The following TNS1 variants were observed in gnomAD, a reference collection of about 807,000 sequenced individuals.
TNS1 encodes the protein tensin-1.
TNS1 carries 62 observed loss-of-function variants against 168.6 expected under a neutral mutation model. The observed-to-expected ratio is 0.37, with a 90% CI of 0.30 to 0.45. The LOEUF (loss-of-function observed/expected upper bound fraction) is 0.45. Among genes scored for constraint, TNS1 ranks in the 20% least tolerant of loss-of-function variants. The probability of loss-of-function intolerance (pLI) is 1.00; values close to 1 mark genes in which losing one functional copy is unlikely to be tolerated. For missense variants in TNS1, 2,240 were observed against 2,339.4 expected, an observed-to-expected ratio of 0.96 and a Z score of 0.88; for synonymous variants, 934 against 933.2, an observed-to-expected ratio of 1.00 and a Z score of -0.02.
chr2:217,909,466 C>T (rs1954099371), intron 4 of TNS1, among the ~76,000 whole-genome samples: 1 of 152,140 alleles, frequency 6.6e-6, no homozygotes, highest in Admixed American at 6.6e-5. Context: ...TGGTTAAAGC[C>T]TCCTAATAGG....
At chr2:217,954,982 A>G (rs1451316999) in intron 3 of TNS1, among the ~76,000 whole-genome samples, 1 of 152,012 alleles carries the variant, frequency 6.6e-6, no homozygotes, top group Non-Finnish European at 1.5e-5. Context: ...GAATGTACAC[A>G]CACACACACA....
rs140394482 is a variant in TNS1, at chr2:217,820,545, C to T, written c.3572+1195G>A. Among the ~76,000 whole-genome samples, 232 of 152,244 alleles carry T rather than the reference C, an allele frequency of 1.5e-3. 1 individual carries two copies. The highest frequency in any genetic ancestry group is 5.4e-3 in the African/African-American group (226 of 41,534). Reference sequence around the variant, plus strand: ...TGTAGACTGTGCAGCAAACTGGACCCACTGGGCCTGGCAGGGGAATTTGCA... The same window carrying T: ...TGTAGACTGTGCAGCAAACTGGACCTACTGGGCCTGGCAGGGGAATTTGCA... On this transcript the variant is annotated intron_variant, in intron 23 of 32. Transcript: ENST00000682258.
At chr2:217,990,502 C>A (rs1239453393) in intron 2 of TNS1, among the ~76,000 whole-genome samples, 3 of 151,354 alleles carry the variant, frequency 2.0e-5, no homozygotes, top group Non-Finnish European at 4.4e-5. Flanking sequence ...CAGCCACATA[C>A]CCTCAACACA....
Position 217,885,004 on chromosome 2 carries a change from GC to G in TNS1, c.1246+30del, listed in dbSNP as rs1302105159. 11 of 1,612,842 alleles carry G rather than the reference GC, an allele frequency of 6.8e-6. No individual in the cohort carries two copies. In the African/African-American group the frequency reaches 8.0e-5, roughly 12 times the overall value. On this transcript the variant is annotated intron_variant, in intron 16 of 32. Transcript: ENST00000682258. ...GAGCTCCTCTCCCTGCCACAGGGGT[GC>G]CCACCCCCAGCTCCACTCAAGGAGC...
intron 2 of TNS1, among the ~76,000 whole-genome samples, chr2:217,989,843 A>G (rs80284397): frequency 0.016 from 2,503 of 151,742 alleles, 59 homozygotes; most frequent in African/African-American, 0.057. Context: ...CTCAAAACAC[A>G]TCAGCCATGT....
chr2:217,915,198 C>T (rs1009710978), intron 4 of TNS1, among the ~76,000 whole-genome samples: 18 of 152,194 alleles, frequency 1.2e-4, no homozygotes, highest in Admixed American at 9.8e-4. Context: ...CTTGATGGAG[C>T]GAGCCCGCAC....
Position 217,801,753 on chromosome 2 carries a change from G to A in TNS1, c.*2706C>T, listed in dbSNP as rs895723447. 6 of 152,280 alleles carry A rather than the reference G, an allele frequency of 3.9e-5. No individual in the cohort carries two copies. Among genetic ancestry groups the A allele is most frequent in the Admixed American group, 2.0e-4 (3 of 15,292 alleles). 9.4% of individuals were successfully genotyped at this position (152,280 alleles called of 1,614,324 possible). A position where few individuals can be genotyped will look rare whatever the true frequency, so the allele number is the denominator to read the frequency against. On this transcript the variant is annotated 3_prime_UTR_variant, in exon 33 of 33. Transcript: ENST00000682258. ...CCCGCCGTGACACAGAAGGGCTCTG[G>A]TGCAGGGCCCAGAGGTGGGGCCACT...
At chr2:217,937,083 G>T in intron 3 of TNS1, 2 of 452,788 alleles carry the variant, frequency 4.4e-6, no homozygotes, top group Admixed American at 2.4e-5. Flanking sequence ...CATCTCAAAT[G>T]GTACCTCTTC....
In TNS1 at chr2:217,814,945, A is replaced by C; in HGVS notation, c.4696T>G (p.Tyr1566Asp). Residue 1566 changes from tyrosine (Y) to aspartate (D), a missense_variant, in exon 25 of 33, where the codon TAT becomes GAT. Tyr to Asp is a radical substitution (Grantham distance 160). Coordinates refer to ENST00000682258, the MANE Select transcript of TNS1 (RefSeq NM_001387777.1). ...CTGGAGATCTCAGGCTTGTACCAATACTTAGAAGTGTCCTGGACAAACTTC... is the reference window on the plus strand; with the variant it reads ...CTGGAGATCTCAGGCTTGTACCAATCCTTAGAAGTGTCCTGGACAAACTTC... ...KVKFVQDTSK[Y>D]WYKPEISREQ... 6.2e-7 allele frequency: 1 copy of C among 1,613,602 alleles called. No homozygotes were observed. Among genetic ancestry groups the C allele is most frequent in the Non-Finnish European group, 8.5e-7 (1 of 1,179,838 alleles).
chr2:217,923,493 CTG>C (rs1181326175), intron 3 of TNS1, among the ~76,000 whole-genome samples: 2 of 152,182 alleles, frequency 1.3e-5, no homozygotes, highest in African/African-American at 4.8e-5. Flanking sequence ...GATGAGAAGA[CTG>C]AGGCACATAG....
chr2:217,975,306 AC>A, intron 3 of TNS1, among the ~76,000 whole-genome samples: 1 of 152,042 alleles, frequency 6.6e-6, no homozygotes. Flanking sequence ...CAGCTAAGCC[AC>A]CCCCAACATC....
In TNS1 at chr2:217,802,251, G is replaced by A. The variant is rs1178045578; in HGVS notation, c.*2208C>T. 6.6e-6 allele frequency: 1 copy of A among 152,222 alleles called. No individual in the cohort carries two copies. The highest frequency in any genetic ancestry group is 2.4e-5 in the African/African-American group (1 of 41,456). The allele number at this position is 152,222 out of a possible 1,614,324, so 9.4% of individuals were successfully genotyped here. Reference sequence around the variant, plus strand: ...ATAACCCAGAAGGAAGAGCACTTTGGAGGGACTTTGGTCACCAGGCACAAG... The same window carrying A: ...ATAACCCAGAAGGAAGAGCACTTTGAAGGGACTTTGGTCACCAGGCACAAG... On this transcript the variant is annotated 3_prime_UTR_variant, in exon 33 of 33. Transcript: ENST00000682258.
rs761453532 is a variant in TNS1, at chr2:217,881,029, A to G, written c.1313-15T>C. On this transcript the variant is annotated splice_polypyrimidine_tract_variant and intron_variant, in intron 17 of 32. Transcript: ENST00000682258. ...GTGCTCCATGCCTAAGTGGGATGGG[A>G]AAGGCAGCGGCAGTCGGGGAGACAG... The G allele has an allele frequency of 5.1e-6, 8 of 1,582,456 alleles. No homozygotes were observed. The South Asian group carries it at 8.8e-5, about 17-fold the overall frequency.
At chr2:217,947,454 G>C (rs1957139054) in intron 3 of TNS1, among the ~76,000 whole-genome samples, 1 of 152,114 alleles carries the variant, frequency 6.6e-6, no homozygotes, top group South Asian at 2.1e-4. Context: ...ACAGATGGCA[G>C]GAGAGCCAGG....
At chr2:217,937,040 TC>T (rs1956645852) in intron 3 of TNS1, 2 of 456,432 alleles carry the variant, frequency 4.4e-6, no homozygotes, top group Non-Finnish European at 4.4e-6. Context: ...CCCCTTTTCC[TC>T]CCCGCAAAAC....
chr2:217,948,000 C>T (rs754579969), intron 3 of TNS1, among the ~76,000 whole-genome samples: 1 of 152,158 alleles, frequency 6.6e-6, no homozygotes, highest in Non-Finnish European at 1.5e-5. Flanking sequence ...AAGCACAAAG[C>T]GGCTAATGAA....
intron 1 of TNS1, among the ~76,000 whole-genome samples, chr2:218,031,221 TGA>T (rs1355255356): frequency 6.8e-6 from 1 of 147,456 alleles, no homozygotes; most frequent in Non-Finnish European, 1.5e-5. Flanking sequence ...TCTGTGTGTA[TGA>T]GTGTGAGTGT....
At chr2:218,025,934 T>C (rs577668522) in intron 1 of TNS1, among the ~76,000 whole-genome samples, 151 of 152,308 alleles carry the variant, frequency 9.9e-4, no homozygotes, top group Non-Finnish European at 1.6e-3. Context: ...GGACGCATCC[T>C]CCAGGCCTCT....
chr2:217,940,278 T>C (rs1394512935), intron 3 of TNS1, among the ~76,000 whole-genome samples: 3 of 152,160 alleles, frequency 2.0e-5, no homozygotes, highest in Non-Finnish European at 4.4e-5. Context: ...TTTGCTTTAT[T>C]TGGAGGCTGG....
Sources: allele counts gnomAD v4.1 joint callset (sites outside exome capture counted in the v4.1 genomes callset), GRCh38; gene constraint gnomAD v4.1.1; transcripts MANE v1.5; gene names NCBI Gene and HGNC (gene_info 2026-07-23, HGNC 2026-07-21).